The following EPHA5 variants were observed in gnomAD, a reference collection of about 807,000 sequenced individuals.
EPHA5 encodes EPH receptor A5, also known as ephrin type-A receptor 5.
A neutral mutation model predicts 105.0 loss-of-function variants in EPHA5; 60 were observed. The ratio of observed to expected loss-of-function variants is 0.57; its 90% confidence interval spans 0.46 to 0.71. The LOEUF (loss-of-function observed/expected upper bound fraction) is 0.71, where lower values mean the gene tolerates loss of function less well. EPHA5 is among the 30% of genes least tolerant of loss of function. The probability of loss-of-function intolerance (pLI) is 0.00; values close to 1 mark genes in which losing one functional copy is unlikely to be tolerated. For synonymous variants in EPHA5, 513 were observed against 449.1 expected (o/e 1.14, Z -1.80); for missense variants, 1,218 against 1,274.7 (o/e 0.96, Z 0.68).
intron 8 of EPHA5, among the ~76,000 whole-genome samples, chr4:65,379,494 T>C (rs1462756271): frequency 1.3e-5 from 2 of 151,802 alleles, no homozygotes; most frequent in Non-Finnish European, 2.9e-5. Flanking sequence ...ACCTTTCTTA[T>C]TTAGGTTGAC....
At chr4:65,449,379 C>T (rs569337708) in intron 5 of EPHA5, among the ~76,000 whole-genome samples, 4 of 152,088 alleles carry the variant, frequency 2.6e-5, no homozygotes, top group Non-Finnish European at 5.9e-5. Flanking sequence ...TTTTATAGTA[C>T]ACATTTGTAC....
intron 2 of EPHA5, among the ~76,000 whole-genome samples, chr4:65,623,008 C>T (rs892751281): frequency 2.6e-5 from 4 of 152,160 alleles, no homozygotes; most frequent in Admixed American, 1.3e-4. Context: ...CAATTTTTAT[C>T]AACTGATTTG....
intron 5 of EPHA5, among the ~76,000 whole-genome samples, chr4:65,487,018 C>T (rs149940834): frequency 1.9e-3 from 293 of 152,262 alleles, no homozygotes; most frequent in African/African-American, 6.4e-3. Flanking sequence ...TTCCTGCTCT[C>T]GCCATGTGAG....
intron 3 of EPHA5, among the ~76,000 whole-genome samples, chr4:65,571,648 C>T (rs1213115200): frequency 6.6e-6 from 1 of 151,966 alleles, no homozygotes; most frequent in Non-Finnish European, 1.5e-5. Flanking sequence ...CCCACAAGAA[C>T]TTATGTTTTA....
chr4:65,330,816 A>G (rs975889072), intron 16 of EPHA5: 3 of 1,030,018 alleles, frequency 2.9e-6, no homozygotes, highest in African/African-American at 3.4e-5. Context: ...TGTGTTATCA[A>G]GTAGATATGA....
rs138570608 is a variant in EPHA5, at chr4:65,529,695, G to T, written c.911-34152C>A. On this transcript the variant is annotated intron_variant, in intron 3 of 16. Coordinates refer to ENST00000613740, the MANE Select transcript of EPHA5 (RefSeq NM_001281766.3). Reference sequence around the variant, plus strand: ...TTTCAACCCTGAATCACATAAGTGTGCTTGCATATATGAAACTGGAACAAT... The same window carrying T: ...TTTCAACCCTGAATCACATAAGTGTTCTTGCATATATGAAACTGGAACAAT... Among the ~76,000 whole-genome samples the T allele has an allele frequency of 3.1e-3, 474 of 152,180 alleles. 2 individuals are homozygous for T. The highest frequency in any genetic ancestry group is 0.011 in the African/African-American group (455 of 41,550).
At chr4:65,547,491 AT>A (rs1025996849) in intron 3 of EPHA5, among the ~76,000 whole-genome samples, 66 of 151,500 alleles carry the variant, frequency 4.4e-4, no homozygotes, top group East Asian at 2.3e-3. Flanking sequence ...ATGCATTTTT[AT>A]TTTTTTTCCT....
rs537264808 is a variant in EPHA5, at chr4:65,346,553, T to A, written c.2595+1501A>T. ...TGGGGTTTCATTTTGTCTTTTTTTATTATTATATTTTAAGTTCTAGGACTT... is the reference window on the plus strand; with the variant it reads ...TGGGGTTTCATTTTGTCTTTTTTTAATATTATATTTTAAGTTCTAGGACTT... On this transcript the variant is annotated intron_variant, in intron 14 of 16. Transcript: ENST00000613740. Among the ~76,000 whole-genome samples, 53 of 152,220 alleles carry A rather than the reference T, an allele frequency of 3.5e-4. 1 individual carries two copies. The highest frequency in any genetic ancestry group is 1.3e-3 in the African/African-American group (52 of 41,566).
intron 6 of EPHA5, among the ~76,000 whole-genome samples, chr4:65,414,998 A>C (rs941981081): frequency 1.3e-5 from 2 of 152,232 alleles, no homozygotes; most frequent in Admixed American, 6.5e-5. Context: ...TTAAAGAAAA[A>C]TGCAGATAAG....
intron 2 of EPHA5, among the ~76,000 whole-genome samples, chr4:65,618,540 G>A (rs1382785142): frequency 6.6e-6 from 1 of 152,086 alleles, no homozygotes; most frequent in African/African-American, 2.4e-5. Context: ...CACTCTACAG[G>A]ATGATCAAGG....
chr4:65,637,870 G>A (rs986661770), intron 2 of EPHA5, among the ~76,000 whole-genome samples: 1 of 152,022 alleles, frequency 6.6e-6, no homozygotes, highest in African/African-American at 2.4e-5. Context: ...ACATTGTAAA[G>A]TGGCAAATAT....
intron 6 of EPHA5, among the ~76,000 whole-genome samples, 182 bp from the exon 7 acceptor site, chr4:65,414,625 C>T (rs1257248041): frequency 1.3e-5 from 2 of 152,142 alleles, no homozygotes; most frequent in Non-Finnish European, 2.9e-5. Context: ...ATATTAAAGT[C>T]TTTTCTAGAA....
At chr4:65,497,823 T>C (rs1732091893) in intron 3 of EPHA5, among the ~76,000 whole-genome samples, 1 of 152,030 alleles carries the variant, frequency 6.6e-6, no homozygotes, top group South Asian at 2.1e-4. Context: ...GATAAATGTA[T>C]CTTTCTGTTC....
At chr4:65,492,936 C>A (rs570292667) in intron 4 of EPHA5, among the ~76,000 whole-genome samples, 1 of 151,412 alleles carries the variant, frequency 6.6e-6, no homozygotes, top group Non-Finnish European at 1.5e-5. Flanking sequence ...ACAGGATTAA[C>A]CTCTGAGAAA....
chr4:65,400,132 G>C (rs1398883075), intron 8 of EPHA5, among the ~76,000 whole-genome samples: 1 of 152,080 alleles, frequency 6.6e-6, no homozygotes, highest in East Asian at 1.9e-4. Flanking sequence ...AATATTCATT[G>C]GTGAAAGACT....
intron 8 of EPHA5, among the ~76,000 whole-genome samples, chr4:65,394,359 C>A (rs1721007680): frequency 6.6e-6 from 1 of 152,162 alleles, no homozygotes; most frequent in African/African-American, 2.4e-5. Flanking sequence ...TCCTAAAGAG[C>A]AAAGGCCCTG....
intron 5 of EPHA5, among the ~76,000 whole-genome samples, chr4:65,450,428 T>A (rs1364307483): frequency 1.3e-5 from 2 of 152,052 alleles, no homozygotes; most frequent in East Asian, 3.9e-4. Flanking sequence ...TATTTTAAGG[T>A]CCAATGGACC....
chr4:65,559,470 A>G (rs1446024494), intron 3 of EPHA5, among the ~76,000 whole-genome samples: 1 of 152,192 alleles, frequency 6.6e-6, no homozygotes, highest in African/African-American at 2.4e-5. Context: ...CCTCTTGGGC[A>G]GGAAATCATT....
intron 8 of EPHA5, among the ~76,000 whole-genome samples, chr4:65,372,805 A>C (rs777953172): frequency 5.9e-5 from 9 of 151,858 alleles, no homozygotes; most frequent in Non-Finnish European, 1.3e-4. Flanking sequence ...TATTCTATAA[A>C]ACAAAGAATT....
Sources: gnomAD v4.1 joint callset for allele counts (sites outside exome capture counted in the v4.1 genomes callset) on GRCh38, gnomAD v4.1.1 for gene constraint, MANE v1.5 for transcripts, NCBI Gene and HGNC (gene_info 2026-07-23, HGNC 2026-07-21) for gene names.